The following KIFAP3 variants were observed in gnomAD, a reference collection of about 807,000 sequenced individuals.
KIFAP3 encodes the protein kinesin associated protein 3.
KIFAP3 carries 68 observed loss-of-function variants against 106.5 expected under a neutral mutation model. The observed-to-expected ratio is 0.64, with a 90% confidence interval of 0.53 to 0.78. The LOEUF is 0.78. KIFAP3 is among the 30% of genes least tolerant of loss of function. The probability of loss-of-function intolerance (pLI) is 0.00; values close to 1 mark genes in which losing one functional copy is unlikely to be tolerated. For missense variants in KIFAP3, 780 were observed against 941.8 expected (o/e 0.83, Z 2.25); for synonymous variants, 320 against 311.5 (o/e 1.03, Z -0.29).
chr1:170,074,710 C>G (rs1360294), upstream of KIFAP3: 14 of 1,393,806 alleles, frequency 1.0e-5, no homozygotes, highest in East Asian at 1.3e-4. Flanking sequence ...CGGGCCGTCA[C>G]GACGCATGCG....
Position 170,031,961 on chromosome 1 carries a change from T to G in KIFAP3, c.766A>C (p.Thr256Pro). The change falls in exon 8 of 20, where the codon ACC (threonine) becomes CCC (proline). Residue 256 changes from threonine to proline, a missense_variant. Thr to Pro is a conservative substitution (Grantham distance 38). This residue lies in a region of KIFAP3 where 588 missense variants were observed against 678.9 expected (regional missense o/e 0.87). Coordinates refer to ENST00000361580, the MANE Select transcript of KIFAP3 (RefSeq NM_014970.4). Reference sequence around the variant, plus strand: ...GTTTTTTCATAATCCTTTCTCAAGGTTTGGTTTTCAGGGTCTTCATCAAGT... The same window carrying G: ...GTTTTTTCATAATCCTTTCTCAAGGGTTGGTTTTCAGGGTCTTCATCAAGT... Reference protein sequence around the residue: ...KAVDEDPENQTLRKDYEKTFK... With the variant: ...KAVDEDPENQPLRKDYEKTFK... 6.2e-7 allele frequency: 1 copy of G among 1,610,016 alleles called. No individual in the cohort carries two copies. The highest frequency in any genetic ancestry group is 1.1e-5 in the South Asian group (1 of 90,542).
intron 19 of KIFAP3, among the ~76,000 whole-genome samples, chr1:169,929,673 A>C (rs531883613): frequency 6.6e-6 from 1 of 152,254 alleles, no homozygotes; most frequent in South Asian, 2.1e-4. Context: ...TATATGCATA[A>C]TTATAAATTT....
At chr1:170,028,934 G>C (rs1003565558) in intron 8 of KIFAP3, among the ~76,000 whole-genome samples, 1 of 151,734 alleles carries the variant, frequency 6.6e-6, no homozygotes, top group Non-Finnish European at 1.5e-5. Flanking sequence ...AGACAAGAAG[G>C]AAAAAGGAGG....
In KIFAP3 at chr1:169,982,107, T is replaced by C; in HGVS notation, c.1673-10A>G. 1.2e-6 allele frequency: 2 copies of C among 1,610,250 alleles called. No homozygotes were observed. Among genetic ancestry groups the C allele is most frequent in the African/African-American group, 1.3e-5 (1 of 74,876 alleles). On this transcript the variant is annotated splice_polypyrimidine_tract_variant and intron_variant, in intron 14 of 19. Coordinates refer to ENST00000361580, the MANE Select transcript of KIFAP3 (RefSeq NM_014970.4). ...TCATCTTCTGCAGCACCTAGTGAAGTCAAACCATAGAAAGTTTTCACTGAA... is the reference window on the plus strand; with the variant it reads ...TCATCTTCTGCAGCACCTAGTGAAGCCAAACCATAGAAAGTTTTCACTGAA...
At position 170,034,412 on chromosome 1, in the gene KIFAP3, A is replaced by G; in HGVS notation, c.702T>C (p.His234=). ...MNIIDHELKR[H]ELWQEELSKK... ...TTGAGAGTTCTTCTTGCCAAAGCTC[A>G]TGTCTTTTTAACTCATGATCAATAA... The change falls in exon 7 of 20, where the codon CAT becomes CAC. Residue 234 remains histidine (H), a synonymous_variant. Coordinates refer to ENST00000361580, the MANE Select transcript of KIFAP3 (RefSeq NM_014970.4). The G allele has an allele frequency of 6.2e-7, 1 of 1,606,562 alleles. No individual in the cohort carries two copies. Among genetic ancestry groups the G allele is most frequent in the Non-Finnish European group, 8.5e-7 (1 of 1,176,192 alleles).
intron 19 of KIFAP3, among the ~76,000 whole-genome samples, chr1:169,945,774 A>G (rs1329469306): frequency 1.5e-4 from 23 of 152,236 alleles, no homozygotes; most frequent in Admixed American, 1.4e-3. Context: ...AGGATAAAAC[A>G]TCTTCCCAAG....
intron 11 of KIFAP3, among the ~76,000 whole-genome samples, chr1:169,991,425 A>T (rs903801894): frequency 2.6e-5 from 4 of 152,138 alleles, no homozygotes; most frequent in African/African-American, 7.2e-5. Flanking sequence ...TAATAAACAC[A>T]GGAAAAAATG....
intron 1 of KIFAP3, among the ~76,000 whole-genome samples, chr1:170,061,935 T>C (rs1178805458): frequency 6.6e-6 from 1 of 152,084 alleles, no homozygotes; most frequent in African/African-American, 2.4e-5. Flanking sequence ...ATACCGCATG[T>C]TCTCACTCAT....
At position 169,983,678 on chromosome 1, in the gene KIFAP3, T is replaced by A. The variant is rs1282900325; in HGVS notation, c.1394-296A>T. 2.6e-5 allele frequency among the ~76,000 whole-genome samples: 4 copies of A among 151,900 alleles called. No homozygotes were observed. In the East Asian group the frequency reaches 7.7e-4, roughly 29 times the overall value. ...TATAAATTTTGCCTGATATAGAACT[T>A]CATATAAATAGAATCATACCATATG... On this transcript the variant is annotated intron_variant, in intron 12 of 19. Coordinates refer to ENST00000361580, the MANE Select transcript of KIFAP3 (RefSeq NM_014970.4).
intron 19 of KIFAP3, among the ~76,000 whole-genome samples, chr1:169,941,108 T>C (rs150946314): frequency 1.4e-4 from 21 of 152,314 alleles, no homozygotes; most frequent in Middle Eastern, 6.8e-3. Flanking sequence ...AAAATTCTGT[T>C]TTCATCTTCA....
intron 10 of KIFAP3, among the ~76,000 whole-genome samples, chr1:169,997,120 C>A (rs931183168): frequency 3.9e-5 from 6 of 152,142 alleles, no homozygotes; most frequent in African/African-American, 1.4e-4. Context: ...GCTCTGGAGG[C>A]AGAATGCTCG....
intron 4 of KIFAP3, among the ~76,000 whole-genome samples, chr1:170,038,868 A>G (rs1479873785): frequency 6.6e-6 from 1 of 152,180 alleles, no homozygotes; most frequent in Non-Finnish European, 1.5e-5. Context: ...GCAGATCACG[A>G]GGTCAGGAGT....
intron 19 of KIFAP3, among the ~76,000 whole-genome samples, chr1:169,945,478 G>C (rs981463921): frequency 6.6e-6 from 1 of 152,206 alleles, no homozygotes; most frequent in African/African-American, 2.4e-5. Context: ...CACAGTGTCA[G>C]CTGCGCCTCC....
At chr1:169,984,279 C>T (rs549268715) in intron 12 of KIFAP3, among the ~76,000 whole-genome samples, 52 of 151,704 alleles carry the variant, frequency 3.4e-4, no homozygotes, top group Admixed American at 1.1e-3. Context: ...TATTTTATTA[C>T]CTTATATTGT....
chr1:169,999,171 TGAAA>T (rs1358625374), intron 10 of KIFAP3, among the ~76,000 whole-genome samples: 1 of 152,088 alleles, frequency 6.6e-6, no homozygotes, highest in Admixed American at 6.6e-5. Flanking sequence ...CTTCATTCAC[TGAAA>T]GAAAGAACAT....
At chr1:169,965,848 T>C (rs1665583415) in intron 17 of KIFAP3, among the ~76,000 whole-genome samples, 1 of 151,860 alleles carries the variant, frequency 6.6e-6, no homozygotes, top group East Asian at 1.9e-4. Context: ...ACCAAAAATA[T>C]CCATGAGCAT....
intron 17 of KIFAP3, 59 bp from the exon 18 acceptor site, chr1:169,961,294 G>A (rs1665317916): frequency 8.8e-6 from 12 of 1,364,992 alleles, no homozygotes; most frequent in South Asian, 5.0e-5. Flanking sequence ...GCACTCAGAC[G>A]GCAATATTTT....
intron 19 of KIFAP3, among the ~76,000 whole-genome samples, chr1:169,923,901 C>A (rs1351788814): frequency 6.6e-6 from 1 of 152,158 alleles, no homozygotes; most frequent in Non-Finnish European, 1.5e-5. Flanking sequence ...GAATATCTGG[C>A]CTTTTTGCAG....
intron 19 of KIFAP3, among the ~76,000 whole-genome samples, chr1:169,952,747 A>T (rs1415488018): frequency 6.6e-6 from 1 of 152,110 alleles, no homozygotes; most frequent in African/African-American, 2.4e-5. Context: ...AAAACATATA[A>T]TAATACTTGT....
Sources: allele counts gnomAD v4.1 joint callset (sites outside exome capture counted in the v4.1 genomes callset), GRCh38; gene constraint gnomAD v4.1.1; regional missense constraint gnomAD v4.1.1; transcripts MANE v1.5; gene names NCBI Gene and HGNC (gene_info 2026-07-23, HGNC 2026-07-21).